Variants in PTPRE observed in about 807,000 individuals in gnomAD.
PTPRE encodes protein tyrosine phosphatase receptor type E.
A neutral mutation model predicts 102.0 loss-of-function variants in PTPRE; 51 were observed. The observed-to-expected ratio is 0.50, with a 90% CI of 0.40 to 0.63. The LOEUF (loss-of-function observed/expected upper bound fraction) is 0.63. Ranked by LOEUF, PTPRE falls within the 30% of genes least tolerant of loss-of-function variation. The pLI, the probability that PTPRE is intolerant of heterozygous loss-of-function variation, is 0.00. For synonymous variants in PTPRE, 345 were observed against 348.2 expected (o/e 0.99, Z 0.10); for missense variants, 752 against 915.1 (o/e 0.82, Z 2.30).
chr10:128,077,881 G>T, intron 19 of PTPRE, 98 bp downstream of exon 19: 1 of 1,384,876 alleles, frequency 7.2e-7, no homozygotes, highest in Non-Finnish European at 9.7e-7. Flanking sequence ...CGCTGCCCCT[G>T]GCCATGGTAT....
chr10:128,038,880 G>A (rs1322732259), intron 2 of PTPRE, among the ~76,000 whole-genome samples: 2 of 152,192 alleles, frequency 1.3e-5, no homozygotes, highest in African/African-American at 4.8e-5. Context: ...TCTGCAGGTT[G>A]TCGCCCATTG....
rs1367919169 is a variant in PTPRE at position 127,988,377 on chromosome 10, C to T, written c.-8+6081C>T. Among the ~76,000 whole-genome samples, 4 of 144,090 alleles carry T rather than the reference C, an allele frequency of 2.8e-5. No individual in the cohort carries two copies. The East Asian group carries it at 8.1e-4, about 29-fold the overall frequency. 94.5% of individuals were successfully genotyped at this position (144,090 alleles called of 152,430 possible). On this transcript the variant is annotated intron_variant, in intron 2 of 20. Transcript: ENST00000254667. Reference sequence around the variant, plus strand: ...CTGGAGTTCGTTGGCACAATCTGGGCTCTTCGCAAACTTTGCCTCCAGGGT... The same window carrying T: ...CTGGAGTTCGTTGGCACAATCTGGGTTCTTCGCAAACTTTGCCTCCAGGGT...
At chr10:128,075,862 T>C (rs139938245) in intron 17 of PTPRE, among the ~76,000 whole-genome samples, 120 of 152,362 alleles carry the variant, frequency 7.9e-4, no homozygotes, top group African/African-American at 2.8e-3. Flanking sequence ...CAAATGCCTG[T>C]TCCTGCCTTT....
chr10:127,930,501 GT>G (rs1325655927), intron 1 of PTPRE, among the ~76,000 whole-genome samples: 1 of 152,196 alleles, frequency 6.6e-6, no homozygotes, highest in African/African-American at 2.4e-5. Context: ...AGCGCAGTTT[GT>G]TTATCCATTT....
intron 1 of PTPRE, among the ~76,000 whole-genome samples, chr10:127,975,776 G>C (rs1851112981): frequency 6.6e-6 from 1 of 152,202 alleles, no homozygotes; most frequent in Non-Finnish European, 1.5e-5. Flanking sequence ...ATACATTTCA[G>C]AGTCCGAGCC....
rs918568516 is a variant in PTPRE, at chr10:127,999,615, T to G, written c.-8+17319T>G. On this transcript the variant is annotated intron_variant, in intron 2 of 20. Transcript: ENST00000254667. ...TTCTCAGCAGCTACACTGGATTATATGCCGCCTTTCTTACTGACTGATTAT... is the reference window on the plus strand; with the variant it reads ...TTCTCAGCAGCTACACTGGATTATAGGCCGCCTTTCTTACTGACTGATTAT... The G allele has an allele frequency of 7.8e-5, 77 of 985,340 alleles. No homozygotes were observed. In the African/African-American group the frequency reaches 1.1e-3, roughly 15 times the overall value. The allele number at this position is 985,340 out of a possible 1,614,324, so 61.0% of individuals were successfully genotyped here. A position where few individuals can be genotyped will look rare whatever the true frequency, so the allele number is the denominator to read the frequency against.
Position 128,063,464 on chromosome 10 carries a change from G to A in PTPRE, c.723+284G>A, listed in dbSNP as rs369701073. Among the ~76,000 whole-genome samples, 8 of 152,324 alleles carry A rather than the reference G, an allele frequency of 5.3e-5. No homozygotes were observed. The East Asian group carries it at 5.8e-4, about 11-fold the overall frequency. ...CCCGGCTGGCCCCATGGCTCTGCCTGCCTGATGAGAGACATGAATCTTAGA... is the reference window on the plus strand; with the variant it reads ...CCCGGCTGGCCCCATGGCTCTGCCTACCTGATGAGAGACATGAATCTTAGA... On this transcript the variant is annotated intron_variant, in intron 10 of 20. Coordinates refer to ENST00000254667, the MANE Select transcript of PTPRE (RefSeq NM_006504.6).
intron 1 of PTPRE, among the ~76,000 whole-genome samples, chr10:127,946,318 C>T (rs780011488): frequency 7.9e-5 from 12 of 152,140 alleles, no homozygotes; most frequent in African/African-American, 7.2e-5. Flanking sequence ...ACTATGTGGC[C>T]GATCCTGCTC....
At chr10:127,972,815 G>T (rs985634291) in intron 1 of PTPRE, among the ~76,000 whole-genome samples, 1 of 152,204 alleles carries the variant, frequency 6.6e-6, no homozygotes, top group African/African-American at 2.4e-5. Context: ...GTGGCAGGTG[G>T]GAGGCCTAGG....
intron 6 of PTPRE, among the ~76,000 whole-genome samples, chr10:128,055,752 T>A (rs940096928): frequency 2.6e-5 from 4 of 152,346 alleles, no homozygotes; most frequent in Admixed American, 2.6e-4. Context: ...CGGTTCACAG[T>A]TCTGTCGTAG....
At chr10:128,024,547 G>A (rs1274773395) in intron 2 of PTPRE, among the ~76,000 whole-genome samples, 1 of 152,144 alleles carries the variant, frequency 6.6e-6, no homozygotes, top group South Asian at 2.1e-4. Context: ...TTGGAATTAC[G>A]CAAATTAGAG....
At chr10:127,965,494 C>T (rs1398884065) in intron 1 of PTPRE, among the ~76,000 whole-genome samples, 2 of 152,270 alleles carry the variant, frequency 1.3e-5, no homozygotes, top group East Asian at 1.9e-4. Flanking sequence ...GGTCAGGGTT[C>T]GTCCCTAAGC....
At chr10:127,940,536 C>T (rs1848170277) in intron 1 of PTPRE, among the ~76,000 whole-genome samples, 1 of 151,390 alleles carries the variant, frequency 6.6e-6, no homozygotes, top group African/African-American at 2.4e-5. Flanking sequence ...CCCTGCTTCC[C>T]CTGCACCCAG....
chr10:128,083,593 C>A lies in PTPRE; in HGVS notation c.*687C>A, dbSNP rs749304278. ...AGAAGAGATGTAAATGCTGGGTGGT[C>A]CCGTTGACCCACGGCGTTGGGTACA... On this transcript the variant is annotated 3_prime_UTR_variant, in exon 21 of 21. Transcript: ENST00000254667. 6.6e-6 allele frequency: 1 copy of A among 152,210 alleles called. No individual in the cohort carries two copies. The highest frequency in any genetic ancestry group is 1.5e-5 in the Non-Finnish European group (1 of 68,048). 9.4% of individuals were successfully genotyped at this position (152,210 alleles called of 1,614,324 possible).
Position 128,008,821 on chromosome 10 carries a change from G to T in PTPRE, c.-8+26525G>T, listed in dbSNP as rs1044267442. Among the ~76,000 whole-genome samples, 1 of 152,176 alleles carries T rather than the reference G, an allele frequency of 6.6e-6. No individual in the cohort carries two copies. Among genetic ancestry groups the T allele is most frequent in the Admixed American group, 6.5e-5 (1 of 15,280 alleles). On this transcript the variant is annotated intron_variant, in intron 2 of 20. Transcript: ENST00000254667. The surrounding 1 kb of genome is among the most constrained non-coding windows in gnomAD (Gnocchi z 4.0). ...CAGCCTGTGTCCTCATCCTGCCAGG[G>T]CCCCTGCTCCTCCTGTCACTGATGA...
At chr10:127,994,552 A>G (rs905128342) in intron 2 of PTPRE, among the ~76,000 whole-genome samples, 1 of 152,210 alleles carries the variant, frequency 6.6e-6, no homozygotes, top group African/African-American at 2.4e-5. Flanking sequence ...GCATGAATGA[A>G]TAGTCTTTAC....
intron 2 of PTPRE, among the ~76,000 whole-genome samples, chr10:128,020,361 G>T (rs1429750438): frequency 6.6e-6 from 1 of 152,052 alleles, no homozygotes; most frequent in Non-Finnish European, 1.5e-5. Context: ...ATATTATGAC[G>T]CTGAGTTCAG....
At chr10:127,926,120 G>T (rs1285937505) in intron 1 of PTPRE, among the ~76,000 whole-genome samples, 2 of 152,156 alleles carry the variant, frequency 1.3e-5, no homozygotes, top group Non-Finnish European at 2.9e-5. Flanking sequence ...GGAGTCTATT[G>T]TGTTTTCTCA....
At chr10:128,023,509 T>G (rs1018284955) in intron 2 of PTPRE, among the ~76,000 whole-genome samples, 1 of 152,196 alleles carries the variant, frequency 6.6e-6, no homozygotes, top group African/African-American at 2.4e-5. Flanking sequence ...GACAGCATAT[T>G]GTTAGAATTG....
Sources: gnomAD v4.1 joint callset for allele counts (sites outside exome capture counted in the v4.1 genomes callset) on GRCh38, gnomAD v4.1.1 for gene constraint, Gnocchi (gnomAD v3.1) non-coding constraint, MANE v1.5 for transcripts, NCBI Gene and HGNC (gene_info 2026-07-23, HGNC 2026-07-21) for gene names.